The following SRRM2 variants were observed in gnomAD, a reference collection of about 807,000 sequenced individuals.
SRRM2 encodes serine/arginine repetitive matrix 2, also known as serine/arginine repetitive matrix protein 2.
In SRRM2, 30 loss-of-function variants were observed where a neutral mutation model predicts 213.8. The ratio of observed to expected loss-of-function variants is 0.14; its 90% CI spans 0.10 to 0.19. The LOEUF (loss-of-function observed/expected upper bound fraction) is 0.19. SRRM2 is among the 10% of genes least tolerant of loss of function. The probability of loss-of-function intolerance (pLI) is 1.00; values close to 1 mark genes in which losing one functional copy is unlikely to be tolerated. For missense variants in SRRM2, 4,904 were observed against 3,647.0 expected (o/e 1.34, Z -8.88); for synonymous variants, 2,025 against 1,377.7 (o/e 1.47, Z -10.40).
Position 2,769,295 on chromosome 16 carries a change from T to G in SRRM2, c.8021+11T>G. On this transcript the variant is annotated intron_variant, in intron 12 of 14. Coordinates refer to ENST00000301740, the MANE Select transcript of SRRM2 (RefSeq NM_016333.4). ...CCCTGGCGAGCGGAGGTGAGTGCTGTCTTGCCTGAGTTGAAAGGTGGGTGG... is the reference window on the plus strand; with the variant it reads ...CCCTGGCGAGCGGAGGTGAGTGCTGGCTTGCCTGAGTTGAAAGGTGGGTGG... The G allele has an allele frequency of 6.5e-7, 1 of 1,543,898 alleles. No homozygotes were observed. Among genetic ancestry groups the G allele is most frequent in the Non-Finnish European group, 8.7e-7 (1 of 1,145,722 alleles).
At chr16:2,759,871 A>AT in intron 9 of SRRM2, 1 of 554,292 alleles carries the variant, frequency 1.8e-6, no homozygotes, top group Non-Finnish European at 3.1e-6. Context: ...TTTATTTGTT[A>AT]TTTTTGTTTC....
Position 2,765,183 on chromosome 16 carries a change from C to T in SRRM2, c.4655C>T (p.Ser1552Phe). The T allele has an allele frequency of 1.2e-6, 2 of 1,614,190 alleles. No homozygotes were observed. The highest frequency in any genetic ancestry group is 1.7e-6 in the Non-Finnish European group (2 of 1,180,036). Reference sequence around the variant, plus strand: ...GAACTTGATGTGAAACCCAGTGCATCCCCTCAGGAAAGAAGTGAGTCAGAC... The same window carrying T: ...GAACTTGATGTGAAACCCAGTGCATTCCCTCAGGAAAGAAGTGAGTCAGAC... ...SQELDVKPSA[S>F]PQERSESDSS... is the part of the protein sequence containing the mutation. Residue 1552 changes from serine to phenylalanine, a missense_variant, in exon 11 of 15, where the codon TCC becomes TTC. Ser to Phe is a radical substitution (Grantham distance 155). Coordinates refer to ENST00000301740, the MANE Select transcript of SRRM2 (RefSeq NM_016333.4).
In SRRM2 at chr16:2,764,306, C is replaced by G; in HGVS notation, c.3778C>G (p.Leu1260Val). ...GQILSHLSSE[L>V]KEMSTSNFES... is the part of the protein sequence containing the mutation. ...AATCCTGTCTCATTTGTCTTCAGAA[C>G]TTAAAGAAATGTCCACAAGTAACTT... The change falls in exon 11 of 15, where the codon CTT becomes GTT. Residue 1260 changes from leucine (L) to valine (V), a missense_variant. Leu to Val is a conservative substitution (Grantham distance 32, BLOSUM62 1). Coordinates refer to ENST00000301740, the MANE Select transcript of SRRM2 (RefSeq NM_016333.4). The G allele has an allele frequency of 6.2e-7, 1 of 1,614,092 alleles. No individual in the cohort carries two copies. The highest frequency in any genetic ancestry group is 8.5e-7 in the Non-Finnish European group (1 of 1,180,028).
rs747887925 is a variant in SRRM2, at chr16:2,761,816, G to A, written c.1288G>A (p.Val430Ile). Reference sequence around the variant, plus strand: ...CCCACCATCCCCTCAACCTACCAAAGTTTCTCGGCATGCCAGCTCTTCCCC... The same window carrying A: ...CCCACCATCCCCTCAACCTACCAAAATTTCTCGGCATGCCAGCTCTTCCCC... ...SSPPSPQPTKVSRHASSSPES... is the reference protein window; with the variant it reads ...SSPPSPQPTKISRHASSSPES... The change falls in exon 11 of 15, where the codon GTT becomes ATT. Residue 430 changes from valine (V) to isoleucine (I), a missense_variant. Transcript: ENST00000301740. The A allele has an allele frequency of 1.2e-6, 2 of 1,613,806 alleles. No homozygotes were observed. The highest frequency in any genetic ancestry group is 2.2e-5 in the South Asian group (2 of 91,068).
intron 2 of SRRM2, among the ~76,000 whole-genome samples, chr16:2,757,188 T>C (rs1356625488): frequency 1.3e-5 from 2 of 152,198 alleles, no homozygotes; most frequent in African/African-American, 4.8e-5. Context: ...AAAAGGCACA[T>C]TCTTGTTGAA....
At chr16:2,770,748 C>G (rs749881378) in intron 14 of SRRM2, 31 bp downstream of exon 14, 2 of 1,588,874 alleles carry the variant, frequency 1.3e-6, no homozygotes, top group East Asian at 4.5e-5. Flanking sequence ...ATGCCCCCTT[C>G]CGGGAGCCAG....
In SRRM2 at chr16:2,763,939, G is replaced by C. The variant is rs1399652076; in HGVS notation, c.3411G>C (p.Arg1137Ser). 6.2e-7 allele frequency: 1 copy of C among 1,614,188 alleles called. No homozygotes were observed. Among genetic ancestry groups the C allele is most frequent in the Non-Finnish European group, 8.5e-7 (1 of 1,180,048 alleles). Residue 1137 changes from arginine (R) to serine (S), a missense_variant, in exon 11 of 15, where the codon AGG (arginine) becomes AGC (serine). Coordinates refer to ENST00000301740, the MANE Select transcript of SRRM2 (RefSeq NM_016333.4). The stretch of plus-strand genomic sequence containing the variant: ...CTGGAATGTCTCCTGAGCAGAGCAG[G>C]TTCCAGTCTGACTCTTCTTCATATC... ...LKSGMSPEQS[R>S]FQSDSSSYPT...
At chr16:2,753,041 C>T (rs2067988862) in intron 1 of SRRM2, among the ~76,000 whole-genome samples, 195 bp downstream of exon 1, 1 of 150,846 alleles carries the variant, frequency 6.6e-6, no homozygotes, top group East Asian at 1.9e-4. Flanking sequence ...GCTTCACCCC[C>T]CCCCGCCCCT....
At position 2,760,434 on chromosome 16, in the gene SRRM2, A is replaced by C; in HGVS notation, c.967A>C (p.Ser323Arg). The change falls in exon 10 of 15, where the codon AGC (serine) becomes CGC (arginine). Residue 323 changes from serine to arginine, a missense_variant. Transcript: ENST00000301740. The stretch of plus-strand genomic sequence containing the variant: ...TACTACCAGCACACAACGGCCTAGT[A>C]GCCCGGAGACTGCTACGAAACAGCC... ...PGTTSTQRPSSPETATKQPSS... is the reference protein window; with the variant it reads ...PGTTSTQRPSRPETATKQPSS... The C allele has an allele frequency of 6.2e-7, 1 of 1,614,222 alleles. No homozygotes were observed. The highest frequency in any genetic ancestry group is 8.5e-7 in the Non-Finnish European group (1 of 1,180,044).
In SRRM2 at chr16:2,756,649, G is replaced by T. The variant is rs780555128; in HGVS notation, c.242+43G>T. The stretch of plus-strand genomic sequence containing the variant: ...GAGAGTCAAGCACTGAATGAGTGCA[G>T]AGCTGGGGGTGTTAGGTGGGATGTA... On this transcript the variant is annotated intron_variant, in intron 2 of 14. Coordinates refer to ENST00000301740, the MANE Select transcript of SRRM2 (RefSeq NM_016333.4). The T allele has an allele frequency of 2.5e-6, 4 of 1,570,888 alleles. No homozygotes were observed. The African/African-American group carries it at 5.4e-5, about 21-fold the overall frequency.
rs1475922417 is a variant in SRRM2, at chr16:2,768,012, C to G, written c.7484C>G (p.Ser2495Cys). 11 of 1,614,114 alleles carry G rather than the reference C, an allele frequency of 6.8e-6. No individual in the cohort carries two copies. The highest frequency in any genetic ancestry group is 9.3e-6 in the Non-Finnish European group (11 of 1,180,054). Residue 2495 changes from serine to cysteine, a missense_variant, in exon 11 of 15, where the codon TCT becomes TGT. Coordinates refer to ENST00000301740, the MANE Select transcript of SRRM2 (RefSeq NM_016333.4). ...SSAGDHNGML[S>C]VPAPGVPHSD... ...GCTGGTGATCACAATGGCATGCTCT[C>G]TGTCCCTGCCCCTGGGGTGCCCCAC...
At chr16:2,758,868 C>T in intron 5 of SRRM2, 117 bp from the exon 6 acceptor site, 3 of 1,077,424 alleles carry the variant, frequency 2.8e-6, no homozygotes, top group East Asian at 5.1e-5. Flanking sequence ...AGGTCTGGGG[C>T]ATTAGTGCTA....
Position 2,770,410 on chromosome 16 carries a change from T to A in SRRM2, c.8080T>A (p.Ser2694Thr). The A allele has an allele frequency of 6.2e-7, 1 of 1,611,054 alleles. No homozygotes were observed. The highest frequency in any genetic ancestry group is 8.5e-7 in the Non-Finnish European group (1 of 1,178,792). The change falls in exon 13 of 15, where the codon TCG (serine) becomes ACG (threonine). Residue 2694 changes from serine to threonine, a missense_variant. By Grantham distance (58) the Ser-to-Thr change is moderately conservative. Transcript: ENST00000301740. ...CAGGGACTCTCGGTCCCTCAGCTAC[T>A]CGCCTGTGGAGCGTCGCCGTCCCTC... ...SLRDSRSLSY[S>T]PVERRRPSPQ...
In SRRM2 at chr16:2,759,647, T is replaced by C; in HGVS notation, c.819T>C (p.Asp273=). 2 of 1,613,896 alleles carry C rather than the reference T, an allele frequency of 1.2e-6. No individual in the cohort carries two copies. Among genetic ancestry groups the C allele is most frequent in the Non-Finnish European group, 1.7e-6 (2 of 1,179,858 alleles). Residue 273 remains aspartate (D), a synonymous_variant, in exon 9 of 15, where the codon GAT becomes GAC. Transcript: ENST00000301740. ...CTGCTGACTCTGCTTCCTCCTCCGA[T>C]ACTTCCCGCAGTCGGTAAGGGGTAG... is the stretch of plus-strand genomic sequence containing the variant. The part of the protein sequence containing the change: ...STSADSASSS[D]TSRSRSRSAA...
rs1227830894 is a variant in SRRM2 at position 2,761,767 on chromosome 16, C to T, written c.1239C>T (p.Pro413=). 1.9e-6 allele frequency: 3 copies of T among 1,613,448 alleles called. No individual in the cohort carries two copies. Among genetic ancestry groups the T allele is most frequent in the African/African-American group, 2.7e-5 (2 of 74,874 alleles). Residue 413 remains proline, a synonymous_variant, in exon 11 of 15, where the codon CCC becomes CCT. Coordinates refer to ENST00000301740, the MANE Select transcript of SRRM2 (RefSeq NM_016333.4). ...RSPPKSPEKL[P]QSSSSESSPP... The stretch of plus-strand genomic sequence containing the variant: ...CACCTAAGTCTCCCGAGAAACTTCC[C>T]CAGTCTTCTTCCTCAGAGAGCAGCC...
rs572682029 is a variant in SRRM2 at position 2,770,246 on chromosome 16, C to T, written c.8022-106C>T. On this transcript the variant is annotated intron_variant, in intron 12 of 14. Coordinates refer to ENST00000301740, the MANE Select transcript of SRRM2 (RefSeq NM_016333.4). ...GACAAAGGTGGGTCTGAGGCTGGCC[C>T]TGTGTGGTGTGAGGTTTGGTGGTCA... 6.1e-6 allele frequency: 9 copies of T among 1,468,070 alleles called. No homozygotes were observed. In the East Asian group the frequency reaches 1.2e-4, roughly 20 times the overall value. 90.9% of individuals were successfully genotyped at this position (1,468,070 alleles called of 1,614,324 possible). A position where few individuals can be genotyped will look rare whatever the true frequency, so the allele number is the denominator to read the frequency against.
chr16:2,770,823 G>A (rs771176711), intron 14 of SRRM2, 35 bp from the exon 15 acceptor site: 3 of 1,613,766 alleles, frequency 1.9e-6, no homozygotes, highest in Non-Finnish European at 1.7e-6. Context: ...GGGCTGGGGT[G>A]GGAACTCCCT....
intron 10 of SRRM2, among the ~76,000 whole-genome samples, chr16:2,761,186 G>C (rs1013414766): frequency 2.6e-5 from 4 of 152,192 alleles, no homozygotes; most frequent in Middle Eastern, 3.4e-3. Flanking sequence ...TATTCATGCT[G>C]TTTCTTTTCG....
chr16:2,759,283 C>A, intron 7 of SRRM2, 69 bp from the exon 8 acceptor site: 1 of 1,606,982 alleles, frequency 6.2e-7, no homozygotes, highest in South Asian at 1.1e-5. Flanking sequence ...CTCCCTCTTT[C>A]CATTTCACTT....
Sources: allele counts gnomAD v4.1 joint callset (sites outside exome capture counted in the v4.1 genomes callset), GRCh38; gene constraint gnomAD v4.1.1; transcripts MANE v1.5; gene names NCBI Gene and HGNC (gene_info 2026-07-23, HGNC 2026-07-21).